Variants in LAMC1 observed in about 807,000 individuals in gnomAD.
LAMC1 encodes laminin subunit gamma-1.
In LAMC1, 38 loss-of-function variants were observed where a neutral mutation model predicts 173.6. The ratio of observed to expected loss-of-function variants is 0.22; its 90% CI spans 0.17 to 0.29. LAMC1 has a LOEUF of 0.29. LAMC1 is among the 10% of genes least tolerant of loss of function. The pLI is 1.00. For missense variants in LAMC1, 1,824 were observed against 2,051.8 expected (o/e 0.89, Z 2.14); for synonymous variants, 746 against 749.1 (o/e 1.00, Z 0.07).
chr1:183,050,351 G>A (rs1483688028), intron 1 of LAMC1, among the ~76,000 whole-genome samples: 1 of 142,998 alleles, frequency 7.0e-6, no homozygotes, highest in Non-Finnish European at 1.5e-5. Context: ...GCGTGATCTC[G>A]GCTCACTGCA....
chr1:183,081,965 A>G (rs1409048811), intron 1 of LAMC1, among the ~76,000 whole-genome samples: 1 of 152,178 alleles, frequency 6.6e-6, no homozygotes, highest in Non-Finnish European at 1.5e-5. Flanking sequence ...CTTTCCCAGA[A>G]TGTCATATAG....
intron 1 of LAMC1, among the ~76,000 whole-genome samples, chr1:183,076,518 A>T (rs1001756605): frequency 6.6e-6 from 1 of 152,178 alleles, no homozygotes; most frequent in African/African-American, 2.4e-5. Context: ...ATCTTTGTCC[A>T]TCAGCCCAGG....
chr1:183,035,618 G>T (rs918191474), intron 1 of LAMC1, among the ~76,000 whole-genome samples: 1 of 152,196 alleles, frequency 6.6e-6, no homozygotes, highest in Non-Finnish European at 1.5e-5. Context: ...GATTTTGTCA[G>T]TGTCTGTTGA....
intron 11 of LAMC1, 101 bp downstream of exon 11, chr1:183,118,247 A>G (rs1393507206): frequency 1.5e-6 from 1 of 667,620 alleles, no homozygotes; most frequent in Admixed American, 2.7e-5. Context: ...TATAACACTG[A>G]GAAGTGTATA....
chr1:183,114,232 G>C (rs1656250206), intron 4 of LAMC1, among the ~76,000 whole-genome samples: 1 of 152,124 alleles, frequency 6.6e-6, no homozygotes, highest in African/African-American at 2.4e-5. Flanking sequence ...ACCACACCCG[G>C]CTAATTTTTT....
intron 4 of LAMC1, among the ~76,000 whole-genome samples, chr1:183,113,854 G>T (rs987805000): frequency 4.6e-5 from 7 of 152,216 alleles, no homozygotes; most frequent in South Asian, 2.1e-4. Context: ...TTTTGGAGTT[G>T]ATACTAGAAT....
chr1:183,092,693 T>A (rs2102060595), intron 1 of LAMC1, among the ~76,000 whole-genome samples: 1 of 152,310 alleles, frequency 6.6e-6, no homozygotes, highest in African/African-American at 2.4e-5. Flanking sequence ...TCTGGATACT[T>A]ACAGTGATCC....
intron 1 of LAMC1, among the ~76,000 whole-genome samples, chr1:183,072,955 T>A (rs6665685): frequency 0.5 from 76,287 of 152,084 alleles, 19,773 homozygotes; most frequent in South Asian, 0.64. Flanking sequence ...CTGATTCTAC[T>A]TTATGGTTAG....
chr1:183,050,369 C>T (rs1223279914), intron 1 of LAMC1, among the ~76,000 whole-genome samples: 1 of 149,216 alleles, frequency 6.7e-6, no homozygotes, highest in African/African-American at 2.5e-5. Flanking sequence ...GCAAGCGCCA[C>T]CTCCCAGGTT....
intron 1 of LAMC1, among the ~76,000 whole-genome samples, chr1:183,063,899 C>T (rs1432506500): frequency 6.6e-6 from 1 of 152,154 alleles, no homozygotes; most frequent in Non-Finnish European, 1.5e-5. Context: ...CGGATCCCTC[C>T]ATTGCCTTTG....
intron 2 of LAMC1, among the ~76,000 whole-genome samples, chr1:183,105,243 AAAAGAAAG>A (rs1345295144): frequency 1.6e-5 from 2 of 125,554 alleles, no homozygotes; most frequent in Admixed American, 9.0e-5. Context: ...AAAAAAAAAA[AAAAGAAAG>A]AAAGAAAAGA....
At chr1:183,050,627 C>T (rs1654398916) in intron 1 of LAMC1, among the ~76,000 whole-genome samples, 2 of 142,178 alleles carry the variant, frequency 1.4e-5, no homozygotes, top group African/African-American at 2.5e-5. Context: ...CTCGGTGGCT[C>T]ACGCCTGTAA....
rs1656302158 is a variant in LAMC1, at chr1:183,115,785, C to CA, written c.1328+149dup. ...CTGAGGACTAGCTGTAATGGTGAGC[C>CA]ACAAGGGGTTTGGCTTGTACAGAGA... On this transcript the variant is annotated intron_variant, in intron 6 of 27. Coordinates refer to ENST00000258341, the MANE Select transcript of LAMC1 (RefSeq NM_002293.4). 2 of 648,560 alleles carry CA rather than the reference C, an allele frequency of 3.1e-6. 1 individual carries two copies. The highest frequency in any genetic ancestry group is 5.0e-5 in the Admixed American group (2 of 39,676). The allele number at this position is 648,560 out of a possible 1,614,324, so 40.2% of individuals were successfully genotyped here.
At chr1:183,081,884 A>G (rs540542958) in intron 1 of LAMC1, among the ~76,000 whole-genome samples, 11 of 152,096 alleles carry the variant, frequency 7.2e-5, no homozygotes, top group African/African-American at 2.4e-4. Flanking sequence ...TGCCCTAACA[A>G]TCCTCTGCTT....
chr1:183,117,296 T>G (rs768493939), intron 8 of LAMC1, 24 bp from the exon 9 acceptor site: 1 of 1,594,148 alleles, frequency 6.3e-7, no homozygotes, highest in Non-Finnish European at 8.6e-7. Context: ...GTAAAGTGCT[T>G]GTGTTTTCCT....
At chr1:183,081,603 A>T (rs930459880) in intron 1 of LAMC1, among the ~76,000 whole-genome samples, 6 of 130,770 alleles carry the variant, frequency 4.6e-5, no homozygotes, top group Non-Finnish European at 9.9e-5. Context: ...TAAATAAATA[A>T]ATCTTTAGAG....
chr1:183,127,514 G>T, intron 17 of LAMC1, 110 bp downstream of exon 17: 2 of 896,644 alleles, frequency 2.2e-6, no homozygotes, highest in Non-Finnish European at 3.4e-6. Context: ...TGTGGTCCCT[G>T]TTCTTAAAGA....
At chr1:183,133,012 G>A (rs893195901) in intron 21 of LAMC1, among the ~76,000 whole-genome samples, 6 of 152,096 alleles carry the variant, frequency 3.9e-5, no homozygotes, top group Non-Finnish European at 8.8e-5. Flanking sequence ...CCGGGTTCAA[G>A]CGATTCTCCT....
In LAMC1 at chr1:183,024,056, G is replaced by C. The variant is rs1444961393; in HGVS notation, c.340G>C (p.Asp114His). The change falls in exon 1 of 28, where the codon GAC (aspartate) becomes CAC (histidine). Residue 114 changes from aspartate (D) to histidine (H), a missense_variant. By Grantham distance (81) the Asp-to-His change is moderately conservative (BLOSUM62 -1). Coordinates refer to ENST00000258341, the MANE Select transcript of LAMC1 (RefSeq NM_002293.4). Reference sequence around the variant, plus strand: ...CCTGACCGACTACAACAACCAGGCCGACACCACCTGGTGGCAAAGCCAGAC... The same window carrying C: ...CCTGACCGACTACAACAACCAGGCCCACACCACCTGGTGGCAAAGCCAGAC... ...AFLTDYNNQA[D>H]TTWWQSQTML... is the part of the protein sequence containing the mutation. 4.3e-6 allele frequency: 7 copies of C among 1,612,000 alleles called. No homozygotes were observed. The South Asian group carries it at 7.7e-5, about 18-fold the overall frequency.
Sources: allele counts gnomAD v4.1 joint callset (sites outside exome capture counted in the v4.1 genomes callset), GRCh38; gene constraint gnomAD v4.1.1; transcripts MANE v1.5; gene names NCBI Gene and HGNC (gene_info 2026-07-23, HGNC 2026-07-21).